RBPJL: variants seen among roughly 807,000 people sequenced by gnomAD.
RBPJL encodes recombining binding protein suppressor of hairless-like protein.
Under a neutral mutation model 57.6 loss-of-function variants are expected in RBPJL, and 50 were observed. The ratio of observed to expected loss-of-function variants is 0.87; its 90% CI spans 0.69 to 1.10. RBPJL has a LOEUF of 1.10. Ranked by LOEUF, RBPJL falls within the 50% of genes least tolerant of loss-of-function variation. RBPJL has a pLI of 0.00. For missense variants in RBPJL, 684 were observed against 693.7 expected (o/e 0.99, Z 0.16); for synonymous variants, 303 against 294.4 (o/e 1.03, Z -0.30).
chr20:45,316,826 C>A lies in RBPJL; in HGVS notation c.1421C>A (p.Thr474Asn). 1 of 1,613,970 alleles carries A rather than the reference C, an allele frequency of 6.2e-7. No homozygotes were observed. Among genetic ancestry groups the A allele is most frequent in the Non-Finnish European group, 8.5e-7 (1 of 1,179,866 alleles). Residue 474 changes from threonine (T) to asparagine (N), a missense_variant, in exon 12 of 12, where the codon ACC becomes AAC. Coordinates refer to ENST00000343694, the MANE Select transcript of RBPJL (RefSeq NM_014276.4). ...TTCTACCCTAGTGCCTTCTCCTTCA[C>A]CTACACCCCGGAATACAGCGTGCGG... Reference protein sequence around the residue: ...GLFYPSAFSFTYTPEYSVRPG... With the variant: ...GLFYPSAFSFNYTPEYSVRPG...
At chr20:45,311,284 T>G (rs1431180493) in intron 3 of RBPJL, among the ~76,000 whole-genome samples, 1 of 152,094 alleles carries the variant, frequency 6.6e-6, no homozygotes, top group Non-Finnish European at 1.5e-5. Flanking sequence ...GTTTGAAGGC[T>G]GATGCTGTGG....
In RBPJL at chr20:45,316,362, G is replaced by A. The variant is rs374648048; in HGVS notation, c.1176+20G>A. On this transcript the variant is annotated intron_variant, in intron 10 of 11. Coordinates refer to ENST00000343694, the MANE Select transcript of RBPJL (RefSeq NM_014276.4). Reference sequence around the variant, plus strand: ...CTAGAGGTGAAGCCGGGCGCTAGGGGCGTTGGGCAGGGGGACCCTGCCTGC... The same window carrying A: ...CTAGAGGTGAAGCCGGGCGCTAGGGACGTTGGGCAGGGGGACCCTGCCTGC... 1.2e-5 allele frequency: 19 copies of A among 1,612,712 alleles called. No individual in the cohort carries two copies. Among genetic ancestry groups the A allele is most frequent in the Admixed American group, 3.3e-5 (2 of 59,894 alleles).
rs1460348327 is a variant in RBPJL, at chr20:45,308,204, G to A, written c.84G>A (p.Gln28=). 6.2e-7 allele frequency: 1 copy of A among 1,614,118 alleles called. No homozygotes were observed. Among genetic ancestry groups the A allele is most frequent in the Admixed American group, 1.7e-5 (1 of 60,022 alleles). ...HLSLQDRSEM[Q]LQSEADRRSL... ...GCCTGCAGGACAGATCAGAGATGCA[G>A]CTGCAGAGCGAAGCCGACAGGCGGA... The change falls in exon 2 of 12, where the codon CAG becomes CAA. Residue 28 remains glutamine, a synonymous_variant. Coordinates refer to ENST00000343694, the MANE Select transcript of RBPJL (RefSeq NM_014276.4).
At chr20:45,315,609 C>T (rs1427613808) in intron 9 of RBPJL, among the ~76,000 whole-genome samples, 1 of 151,680 alleles carries the variant, frequency 6.6e-6, no homozygotes, top group Non-Finnish European at 1.5e-5. Flanking sequence ...GGCGTGGTGG[C>T]TGGCACCTGT....
intron 6 of RBPJL, among the ~76,000 whole-genome samples, chr20:45,312,846 A>AT (rs1440969926): frequency 3.3e-5 from 5 of 150,208 alleles, no homozygotes; most frequent in Non-Finnish European, 7.4e-5. Flanking sequence ...AAAAAAAAAA[A>AT]GAAAAAGAAA....
chr20:45,312,876 C>G (rs1176601092), intron 6 of RBPJL, among the ~76,000 whole-genome samples: 6 of 150,796 alleles, frequency 4.0e-5, no homozygotes, highest in Non-Finnish European at 1.5e-5. Context: ...GGCATGGTGG[C>G]CTGCACTTGT....
At chr20:45,310,157 A>T (rs1212264663) in intron 3 of RBPJL, among the ~76,000 whole-genome samples, 1 of 152,226 alleles carries the variant, frequency 6.6e-6, no homozygotes, top group Non-Finnish European at 1.5e-5. Context: ...GGAAAACTGA[A>T]CGAGGCCATT....
intron 6 of RBPJL, among the ~76,000 whole-genome samples, chr20:45,312,708 G>C (rs1482811218): frequency 6.6e-6 from 1 of 152,074 alleles, no homozygotes; most frequent in African/African-American, 2.4e-5. Context: ...AAGTGACATA[G>C]GTGGGGCACG....
chr20:45,310,696 A>G (rs940687190), intron 3 of RBPJL, among the ~76,000 whole-genome samples: 2 of 152,212 alleles, frequency 1.3e-5, no homozygotes, highest in African/African-American at 4.8e-5. Context: ...AGTGGCTGAA[A>G]TCAGAGGGAG....
chr20:45,311,900 C>G lies in RBPJL; in HGVS notation c.390C>G (p.Ser130=). 6.5e-7 allele frequency: 1 copy of G among 1,539,742 alleles called. No individual in the cohort carries two copies. Among genetic ancestry groups the G allele is most frequent in the Non-Finnish European group, 8.7e-7 (1 of 1,144,510 alleles). ...VCGYMGLDSA[S]GSATETQKLN... ...GTTACATGGGACTGGACAGCGCGTC[C>G]GGCAGCGCCACTGAGACGCAGAAGC... The change falls in exon 5 of 12, where the codon TCC becomes TCG. Residue 130 remains serine, a synonymous_variant. Transcript: ENST00000343694.
intron 9 of RBPJL, among the ~76,000 whole-genome samples, chr20:45,315,238 A>G (rs1202393889): frequency 6.6e-6 from 1 of 152,210 alleles, no homozygotes. Flanking sequence ...GAAAATAATA[A>G]TTATCGTTAA....
chr20:45,316,166 T>C, intron 9 of RBPJL, 21 bp from the exon 10 acceptor site: 1 of 1,606,760 alleles, frequency 6.2e-7, no homozygotes, highest in Non-Finnish European at 8.5e-7. Flanking sequence ...TTCGGCCTCG[T>C]CCCCTTGGGT....
At chr20:45,312,827 CAAAAAAAAA>C (rs749039599) in intron 6 of RBPJL, among the ~76,000 whole-genome samples, 3 of 84,790 alleles carry the variant, frequency 3.5e-5, no homozygotes, top group South Asian at 3.8e-4. Context: ...TTGTCTGTAC[CAAAAAAAAA>C]AAAAAAAAAA....
Position 45,307,994 on chromosome 20 carries a change from C to G in RBPJL, c.23-149C>G, listed in dbSNP as rs936684856. The G allele has an allele frequency of 1.0e-5, 6 of 574,652 alleles. No individual in the cohort carries two copies. The African/African-American group carries it at 1.1e-4, about 11-fold the overall frequency. 35.6% of individuals were successfully genotyped at this position (574,652 alleles called of 1,614,324 possible). Reference sequence around the variant, plus strand: ...GGATGAGAGTAGAAAAGGGATGATCCTATTTTGATGGCTTTGAGGGTGGGG... The same window carrying G: ...GGATGAGAGTAGAAAAGGGATGATCGTATTTTGATGGCTTTGAGGGTGGGG... On this transcript the variant is annotated intron_variant, in intron 1 of 11. Coordinates refer to ENST00000343694, the MANE Select transcript of RBPJL (RefSeq NM_014276.4).
In RBPJL at chr20:45,314,077, G is replaced by A. The variant is rs754633263; in HGVS notation, c.800G>A (p.Gly267Asp). ...SAQGDFPPRE[G>D]YVRYGSLVQL... ...CAAGGAGACTTCCCACCGCGAGAGG[G>A]CTACGTTCGCTATGGCTCCCTGGTG... Residue 267 changes from glycine (G) to aspartate (D), a missense_variant, in exon 8 of 12, where the codon GGC becomes GAC. By Grantham distance (94) the Gly-to-Asp change is moderately conservative (BLOSUM62 -1). Transcript: ENST00000343694. 4.3e-6 allele frequency: 7 copies of A among 1,614,212 alleles called. No homozygotes were observed. The highest frequency in any genetic ancestry group is 5.1e-6 in the Non-Finnish European group (6 of 1,180,018).
In RBPJL at chr20:45,316,937, TC is replaced by T. The variant is rs1987509000; in HGVS notation, c.1534del (p.His512ThrfsTer11). ...SIHQEFTRTN[F>X]HLFIQT The stretch of plus-strand genomic sequence containing the variant: ...CATCAGGAGTTCACGCGCACCAACT[TC>T]CACCTCTTCATCCAGACTTAGGCGC... On this transcript the variant is annotated frameshift_variant, in exon 12 of 12. Transcript: ENST00000343694. LOFTEE classifies it high-confidence loss of function. The T allele has an allele frequency of 1.9e-6, 3 of 1,612,502 alleles. No individual in the cohort carries two copies. Among genetic ancestry groups the T allele is most frequent in the Admixed American group, 3.3e-5 (2 of 59,954 alleles).
Position 45,316,236 on chromosome 20 carries a change from C to T in RBPJL, c.1070C>T (p.Ser357Phe). The part of the protein sequence containing the change: ...EANRALLNDS[S>F]CWTIIGTESV... Reference sequence around the variant, plus strand: ...AACAGGGCTCTGCTTAACGACAGCTCTTGCTGGACCATCATCGGCACCGAG... The same window carrying T: ...AACAGGGCTCTGCTTAACGACAGCTTTTGCTGGACCATCATCGGCACCGAG... Residue 357 changes from serine (S) to phenylalanine (F), a missense_variant, in exon 10 of 12, where the codon TCT becomes TTT. Transcript: ENST00000343694. The T allele has an allele frequency of 3.7e-6, 6 of 1,614,268 alleles. No homozygotes were observed. The highest frequency in any genetic ancestry group is 5.1e-6 in the Non-Finnish European group (6 of 1,180,048).
intron 2 of RBPJL, chr20:45,308,498 CG>C: frequency 1.9e-6 from 1 of 528,434 alleles, no homozygotes; most frequent in Non-Finnish European, 3.4e-6. Flanking sequence ...TCAGCTACAG[CG>C]GGAGACTGGG....
intron 9 of RBPJL, chr20:45,315,830 GAGAA>G (rs768305055): frequency 4.1e-4 from 48 of 115,758 alleles, no homozygotes; most frequent in Admixed American, 3.1e-3. Flanking sequence ...AGAAAAGAAA[GAGAA>G]AGAAAAGAAA....
Sources: gnomAD v4.1 joint callset for allele counts (sites outside exome capture counted in the v4.1 genomes callset) on GRCh38, gnomAD v4.1.1 for gene constraint, MANE v1.5 for transcripts, NCBI Gene and HGNC (gene_info 2026-07-23, HGNC 2026-07-21) for gene names.